The following FGF13 variants were observed in gnomAD, a reference collection of about 807,000 sequenced individuals.
FGF13 encodes fibroblast growth factor homologous factor 2.
A neutral mutation model predicts 19.5 loss-of-function variants in FGF13; 2 were observed. The observed-to-expected ratio is 0.10, with a 90% CI of 0.04 to 0.32. The LOEUF (loss-of-function observed/expected upper bound fraction) is 0.32. FGF13 is among the 10% of genes least tolerant of loss of function. The pLI, the probability that FGF13 is intolerant of heterozygous loss-of-function variation, is 1.00. For synonymous variants in FGF13, 72 were observed against 76.9 expected, an observed-to-expected ratio of 0.94 and a Z score of 0.33; for missense variants, 113 against 192.7, an observed-to-expected ratio of 0.59 and a Z score of 2.45.
chrX:138,970,197 T>A (rs1246632745), intron 1 of FGF13, among the ~76,000 whole-genome samples: 1 of 111,869 alleles, frequency 8.9e-6, no homozygotes, highest in Non-Finnish European at 1.9e-5. Context: ...CAGGAGTGCA[T>A]GAATGATGTC....
chrX:139,038,899 G>A (rs2092259408), intron 1 of FGF13, among the ~76,000 whole-genome samples: 1 of 112,094 alleles, frequency 8.9e-6, no homozygotes, highest in African/African-American at 3.2e-5. Context: ...CATAAAAGTA[G>A]AAGGAATATA....
intron 1 of FGF13, among the ~76,000 whole-genome samples, chrX:139,131,851 T>C (rs2083764722): frequency 8.9e-6 from 1 of 112,258 alleles, no homozygotes; most frequent in African/African-American, 3.2e-5. Flanking sequence ...ACTTTAATTA[T>C]TTTTCTTATT....
intron 3 of FGF13, among the ~76,000 whole-genome samples, chrX:138,759,207 C>T (rs185565125): frequency 8.9e-6 from 1 of 112,306 alleles, no homozygotes; most frequent in East Asian, 2.8e-4. Context: ...ACGTATCTGA[C>T]AAAACCACTT....
chrX:139,190,512 C>T (rs1431761326), intron 1 of FGF13, among the ~76,000 whole-genome samples: 16 of 112,019 alleles, frequency 1.4e-4, no homozygotes, highest in African/African-American at 5.2e-4. Context: ...AGGCCCCTGC[C>T]ACTAACTTGT....
At chrX:139,146,967 C>T (rs1366325786) in intron 1 of FGF13, among the ~76,000 whole-genome samples, 4 of 77,182 alleles carry the variant, frequency 5.2e-5, no homozygotes, top group Non-Finnish European at 9.5e-5. Context: ...CGGGGCCTGT[C>T]GTGGGGTGGG....
intron 1 of FGF13, among the ~76,000 whole-genome samples, chrX:139,110,012 C>T (rs929121145): frequency 9.0e-6 from 1 of 111,455 alleles, no homozygotes; most frequent in Admixed American, 9.5e-5. Flanking sequence ...GAAGAAGATG[C>T]TTACAATCTG....
chrX:138,835,556 C>G (rs577190369), intron 3 of FGF13, among the ~76,000 whole-genome samples: 1 of 112,017 alleles, frequency 8.9e-6, no homozygotes, highest in South Asian at 3.7e-4. Flanking sequence ...TATGTCACTG[C>G]ATGTGAGATA....
At position 139,067,586 on chromosome X, in the gene FGF13, G is replaced by A. The variant is rs1227748712; in HGVS notation, c.-113+135830C>T. 1.7e-4 allele frequency among the ~76,000 whole-genome samples: 19 copies of A among 111,789 alleles called. No individual in the cohort carries two copies. The Admixed American group carries it at 1.8e-3, about 11-fold the overall frequency. ...TAATACAACTTACAAGGGACAAGAAGGACCTCTTCAGGGAGAACTACAAAC... is the reference window on the plus strand; with the variant it reads ...TAATACAACTTACAAGGGACAAGAAAGACCTCTTCAGGGAGAACTACAAAC... On this transcript the variant is annotated intron_variant, in intron 1 of 2. Transcript: ENST00000421460.
chrX:139,150,368 C>T (rs892806609), intron 1 of FGF13, among the ~76,000 whole-genome samples: 2 of 112,188 alleles, frequency 1.8e-5, no homozygotes, highest in East Asian at 5.6e-4. Context: ...GTGACTAACA[C>T]ATTTTAAAAA....
chrX:138,747,024 G>C (rs1185116706), intron 3 of FGF13, among the ~76,000 whole-genome samples: 1 of 111,663 alleles, frequency 9.0e-6, no homozygotes, highest in Non-Finnish European at 1.9e-5. Flanking sequence ...CTCCCTGATA[G>C]AGTTAGGAAC....
chrX:139,051,020 G>A (rs1358141480), intron 1 of FGF13, among the ~76,000 whole-genome samples: 2 of 112,020 alleles, frequency 1.8e-5, no homozygotes, highest in Non-Finnish European at 3.8e-5. Context: ...ATAGGTCAAT[G>A]AAACATTCTA....
chrX:138,948,836 T>G (rs1442257705), intron 1 of FGF13, among the ~76,000 whole-genome samples: 2 of 112,041 alleles, frequency 1.8e-5, no homozygotes, highest in African/African-American at 6.5e-5. Flanking sequence ...CAAAGCTGAT[T>G]GCTTACCTAT....
At chrX:138,726,333 C>A (rs892120940) in intron 1 of FGF13, among the ~76,000 whole-genome samples, 10 of 111,592 alleles carry the variant, frequency 9.0e-5, no homozygotes, top group African/African-American at 3.2e-4. Context: ...AACTTAATTG[C>A]GAATCTTGAT....
chrX:139,087,185 A>G (rs2083410082), intron 1 of FGF13, among the ~76,000 whole-genome samples: 1 of 111,221 alleles, frequency 9.0e-6, no homozygotes, highest in Non-Finnish European at 1.9e-5. Context: ...AATCCCAGCT[A>G]CTTGGGAAGC....
chrX:138,863,060 ACCCCTTTATGTCCTTCAAGTGG>A (rs1042523159), intron 2 of FGF13, among the ~76,000 whole-genome samples: 1 of 110,309 alleles, frequency 9.1e-6, no homozygotes, highest in African/African-American at 3.3e-5. Context: ...AAGGCCTTGT[ACCCCTTTATGTCCTTCAAGTGG>A]CCCCTTTATG....
chrX:138,820,521 GA>G lies in FGF13; in HGVS notation c.217+36990del, dbSNP rs939162388. Among the ~76,000 whole-genome samples the G allele has an allele frequency of 3.6e-5, 4 of 111,572 alleles. No individual in the cohort carries two copies. The East Asian group carries it at 8.5e-4, about 24-fold the overall frequency. On this transcript the variant is annotated intron_variant, in intron 3 of 6. Transcript: ENST00000436198. ...CCACTGCAGCATGACAGCAGCAATA[GA>G]TAATATGTAAATGAATGAGCATAGG... is the stretch of plus-strand genomic sequence containing the variant.
At chrX:138,768,130 C>G (rs1015081122) in intron 3 of FGF13, among the ~76,000 whole-genome samples, 8 of 112,282 alleles carry the variant, frequency 7.1e-5, no homozygotes, top group African/African-American at 1.9e-4. Context: ...GAAAGTCAGC[C>G]ATCATCATGG....
chrX:138,923,440 T>C (rs1010863899), intron 1 of FGF13, among the ~76,000 whole-genome samples: 1 of 112,494 alleles, frequency 8.9e-6, no homozygotes, highest in African/African-American at 3.2e-5. Flanking sequence ...GATGATTCAC[T>C]GACTTTTCTA....
intron 3 of FGF13, among the ~76,000 whole-genome samples, chrX:138,762,276 C>T (rs771970913): frequency 9.0e-6 from 1 of 110,963 alleles, no homozygotes; most frequent in African/African-American, 3.3e-5. Context: ...TGCCTTTGAC[C>T]TGATAACCAC....
Sources: allele counts gnomAD v4.1 joint callset (sites outside exome capture counted in the v4.1 genomes callset), GRCh38; gene constraint gnomAD v4.1.1; transcripts MANE v1.5; gene names NCBI Gene and HGNC (gene_info 2026-07-23, HGNC 2026-07-21).